The following FBXO25 variants were observed in gnomAD, a reference collection of about 807,000 sequenced individuals.
The protein encoded by FBXO25 is F-box only protein 25.
Under a neutral mutation model 51.9 loss-of-function variants are expected in FBXO25, and 45 were observed. The observed-to-expected ratio is 0.87, with a 90% CI of 0.68 to 1.11. The LOEUF is 1.11. Ranked by LOEUF, FBXO25 falls within the 50% of genes most tolerant of loss-of-function variation. The probability of loss-of-function intolerance (pLI) is 0.00; values close to 1 mark genes in which losing one functional copy is unlikely to be tolerated. For missense variants in FBXO25, 507 were observed against 428.5 expected (o/e 1.18, Z -1.62); for synonymous variants, 199 against 151.0 (o/e 1.32, Z -2.33).
rs941816682 is a variant in FBXO25, at chr8:475,461, A to C, written c.*6657A>C. On this transcript the variant is annotated 3_prime_UTR_variant, in exon 10 of 10. Transcript: ENST00000350302. ...CCATATGAGTTTCAGGATGGAAAAAAAAAAGCCACTGGGATATTCTGATAG... is the reference window on the plus strand; with the variant it reads ...CCATATGAGTTTCAGGATGGAAAAACAAAAGCCACTGGGATATTCTGATAG... The C allele has an allele frequency of 2.0e-5, 3 of 153,842 alleles. No individual in the cohort carries two copies. The highest frequency in any genetic ancestry group is 4.3e-5 in the Non-Finnish European group (3 of 69,370). The allele number at this position is 153,842 out of a possible 1,614,324, so 9.5% of individuals were successfully genotyped here.
At position 471,759 on chromosome 8, in the gene FBXO25, A is replaced by T. The variant is rs950481155; in HGVS notation, c.*2955A>T. ...CACACAAATTGGAAAGCCATGCAGT[A>T]GCCTCTCAGGAGCAGACCGATTTGT... On this transcript the variant is annotated 3_prime_UTR_variant, in exon 10 of 10. Transcript: ENST00000350302. The T allele has an allele frequency of 2.6e-5, 4 of 152,274 alleles. No individual in the cohort carries two copies. The highest frequency in any genetic ancestry group is 4.8e-5 in the African/African-American group (2 of 41,474). 9.4% of individuals were successfully genotyped at this position (152,274 alleles called of 1,614,324 possible).
chr8:419,095 C>G (rs1215879230), intron 2 of FBXO25, among the ~76,000 whole-genome samples: 1 of 152,140 alleles, frequency 6.6e-6, no homozygotes, highest in Admixed American at 6.5e-5. Context: ...CGTGGTGGCG[C>G]AGGCCTGTAA....
At chr8:440,085 G>C (rs948650224) in intron 5 of FBXO25, among the ~76,000 whole-genome samples, 4 of 152,200 alleles carry the variant, frequency 2.6e-5, no homozygotes, top group African/African-American at 4.8e-5. Context: ...AGCCCTCCCA[G>C]GCGGGGACTC....
chr8:451,311 T>A lies in FBXO25; in HGVS notation c.518T>A (p.Leu173Gln). 1.2e-6 allele frequency: 2 copies of A among 1,611,760 alleles called. No individual in the cohort carries two copies. Among genetic ancestry groups the A allele is most frequent in the Non-Finnish European group, 1.7e-6 (2 of 1,179,420 alleles). Residue 173 changes from leucine (L) to glutamine (Q), a missense_variant, in exon 7 of 10, where the codon CTG (leucine) becomes CAG (glutamine). Physicochemically the swap from Leu to Gln is moderately radical, Grantham distance 113 (BLOSUM62 -2). Transcript: ENST00000350302. ...AATCCTCGCTTAATCAAAGATCTTCTGCAAGACCTAAGCTCTACCCTCTGC... is the reference window on the plus strand; with the variant it reads ...AATCCTCGCTTAATCAAAGATCTTCAGCAAGACCTAAGCTCTACCCTCTGC... Reference protein sequence around the residue: ...HHNPRLIKDLLQDLSSTLCIL... With the variant: ...HHNPRLIKDLQQDLSSTLCIL...
At chr8:416,263 T>TC (rs1443531281) in intron 2 of FBXO25, among the ~76,000 whole-genome samples, 1 of 152,222 alleles carries the variant, frequency 6.6e-6, no homozygotes, top group African/African-American at 2.4e-5. Flanking sequence ...TTCACTCTAC[T>TC]CTGATGTTCG....
intron 2 of FBXO25, among the ~76,000 whole-genome samples, chr8:429,744 G>A (rs1797703840): frequency 6.6e-6 from 1 of 152,186 alleles, no homozygotes; most frequent in Non-Finnish European, 1.5e-5. Flanking sequence ...CCTCAAGTCT[G>A]ACATAGACTC....
In FBXO25 at chr8:470,305, C is replaced by G. The variant is rs1425722287; in HGVS notation, c.*1501C>G. On this transcript the variant is annotated 3_prime_UTR_variant, in exon 10 of 10. Coordinates refer to ENST00000350302, the MANE Select transcript of FBXO25 (RefSeq NM_183420.2). ...AGTACAGCCAACATCATGAGTCAAA[C>G]ATATTTTAAGGCTTTTAAATATATT... 1 of 152,140 alleles carries G rather than the reference C, an allele frequency of 6.6e-6. No homozygotes were observed. The highest frequency in any genetic ancestry group is 2.4e-5 in the African/African-American group (1 of 41,414). 9.4% of individuals were successfully genotyped at this position (152,140 alleles called of 1,614,324 possible).
chr8:462,009 A>C (rs565300967), intron 8 of FBXO25, among the ~76,000 whole-genome samples: 1 of 152,200 alleles, frequency 6.6e-6, no homozygotes, highest in Non-Finnish European at 1.5e-5. Context: ...TCTTGGTTAT[A>C]AACCTAGGAG....
At chr8:414,216 C>G (rs1585000731) in intron 2 of FBXO25, among the ~76,000 whole-genome samples, 1 of 152,150 alleles carries the variant, frequency 6.6e-6, no homozygotes, top group African/African-American at 2.4e-5. Context: ...CTCTGCCACG[C>G]TAAGATGTAT....
In FBXO25 at chr8:439,397, T is replaced by G. The variant is rs368368714; in HGVS notation, c.381+3690T>G. The stretch of plus-strand genomic sequence containing the variant: ...ATAAAAATGTTAAATATGCTCTGTT[T>G]CCTAAAGTACACACATCTGTAGGAA... On this transcript the variant is annotated intron_variant, in intron 5 of 9. Transcript: ENST00000350302. Among the ~76,000 whole-genome samples the G allele has an allele frequency of 9.8e-5, 15 of 152,306 alleles. 1 individual carries two copies. In the South Asian group the frequency reaches 2.9e-3, roughly 29 times the overall value.
Position 407,506 on chromosome 8 carries a change from C to G in FBXO25, c.-8+440C>G, listed in dbSNP as rs559712806. 1.4e-3 allele frequency: 1,268 copies of G among 923,774 alleles called. 17 individuals are homozygous for G. In the African/African-American group the frequency reaches 0.021, roughly 16 times the overall value. The allele number at this position is 923,774 out of a possible 1,614,324, so 57.2% of individuals were successfully genotyped here. On this transcript the variant is annotated intron_variant, in intron 1 of 9. Coordinates refer to ENST00000350302, the MANE Select transcript of FBXO25 (RefSeq NM_183420.2). ...GCACGGGGGCCGCCCACAGGTGCAC[C>G]GCGCGTCCTCAGCCGCTTCCCCTGC... is the stretch of plus-strand genomic sequence containing the variant.
intron 8 of FBXO25, among the ~76,000 whole-genome samples, chr8:459,429 C>T (rs1272379214): frequency 2.0e-5 from 3 of 151,822 alleles, no homozygotes; most frequent in East Asian, 3.9e-4. Context: ...CGGCAGAGGC[C>T]GAGCTACACT....
At chr8:462,386 G>C (rs749192959) in intron 8 of FBXO25, among the ~76,000 whole-genome samples, 1 of 151,830 alleles carries the variant, frequency 6.6e-6, no homozygotes, top group African/African-American at 2.4e-5. Flanking sequence ...ATATAAGTCT[G>C]TTATCACATA....
At chr8:430,287 A>G (rs1797748478) in intron 2 of FBXO25, among the ~76,000 whole-genome samples, 1 of 152,218 alleles carries the variant, frequency 6.6e-6, no homozygotes, top group East Asian at 1.9e-4. Context: ...ACATCAACAC[A>G]TTTCCATAAA....
chr8:463,271 G>A lies in FBXO25; in HGVS notation c.987+121G>A, dbSNP rs570729295. ...ATACTGTTTGTTATAAGTAAGTTAAGGAGATATATTTTACCAAATATTGGG... is the reference window on the plus strand; with the variant it reads ...ATACTGTTTGTTATAAGTAAGTTAAAGAGATATATTTTACCAAATATTGGG... On this transcript the variant is annotated intron_variant, in intron 9 of 9. Coordinates refer to ENST00000350302, the MANE Select transcript of FBXO25 (RefSeq NM_183420.2). 8.0e-6 allele frequency: 9 copies of A among 1,129,172 alleles called. No homozygotes were observed. The Admixed American group carries it at 2.2e-4, about 27-fold the overall frequency. The allele number at this position is 1,129,172 out of a possible 1,614,324, so 69.9% of individuals were successfully genotyped here.
At chr8:451,571 T>C in intron 7 of FBXO25, 118 bp downstream of exon 7, 1 of 956,548 alleles carries the variant, frequency 1.0e-6, no homozygotes, top group East Asian at 2.6e-5. Flanking sequence ...AATGCTTTCA[T>C]AAGTATTCAT....
At chr8:426,837 T>A (rs1797517436) in intron 2 of FBXO25, among the ~76,000 whole-genome samples, 1 of 135,868 alleles carries the variant, frequency 7.4e-6, no homozygotes, top group South Asian at 2.4e-4. Context: ...TGTCGCCCTC[T>A]GCTCTGCTGC....
chr8:457,005 A>G (rs993106660), intron 7 of FBXO25, among the ~76,000 whole-genome samples: 1 of 151,858 alleles, frequency 6.6e-6, no homozygotes, highest in Non-Finnish European at 1.5e-5. Flanking sequence ...AGCCAAAAAT[A>G]GATGGTCACT....
At chr8:463,405 A>C (rs1000025450) in intron 9 of FBXO25, among the ~76,000 whole-genome samples, 1 of 152,156 alleles carries the variant, frequency 6.6e-6, no homozygotes, top group Non-Finnish European at 1.5e-5. Context: ...TTGCAGGCGG[A>C]TTGCAGCCAG....
Sources: gnomAD v4.1 joint callset for allele counts (sites outside exome capture counted in the v4.1 genomes callset) on GRCh38, gnomAD v4.1.1 for gene constraint, MANE v1.5 for transcripts, NCBI Gene and HGNC (gene_info 2026-07-23, HGNC 2026-07-21) for gene names.